CAPN13: variants seen among roughly 807,000 people sequenced by gnomAD.
The protein encoded by CAPN13 is calpain-13.
Under a neutral mutation model 98.4 loss-of-function variants are expected in CAPN13, and 90 were observed. The ratio of observed to expected loss-of-function variants is 0.92; its 90% CI spans 0.77 to 1.09. The LOEUF is 1.09. CAPN13 is among the 50% of genes least tolerant of loss of function. The pLI, the probability that CAPN13 is intolerant of heterozygous loss-of-function variation, is 0.00. For synonymous variants in CAPN13, 330 were observed against 305.5 expected, an observed-to-expected ratio of 1.08 and a Z score of -0.84; for missense variants, 887 against 841.3, an observed-to-expected ratio of 1.05 and a Z score of -0.67.
chr2:30,794,215 A>C (rs1052599521), intron 1 of CAPN13, among the ~76,000 whole-genome samples: 1 of 151,824 alleles, frequency 6.6e-6, no homozygotes, highest in African/African-American at 2.4e-5. Context: ...AATCAGAAAA[A>C]AAACCCACTA....
At chr2:30,736,180 G>A (rs889821342) in intron 18 of CAPN13, among the ~76,000 whole-genome samples, 3 of 147,718 alleles carry the variant, frequency 2.0e-5, no homozygotes, top group African/African-American at 5.0e-5. Context: ...TGGATTGGAC[G>A]GGAATGAGAT....
intron 1 of CAPN13, among the ~76,000 whole-genome samples, chr2:30,788,270 A>T (rs546309257): frequency 6.6e-6 from 1 of 152,310 alleles, no homozygotes; most frequent in South Asian, 2.1e-4. Context: ...GTTTGTTATG[A>T]TATTAAATAA....
In CAPN13 at chr2:30,764,134, C is replaced by G. The variant is rs1211972938; in HGVS notation, c.697G>C (p.Gly233Arg). ...AAAAGGGCTCCCCAGTGACTTACCC[C>G]ACTTGGAGTGGCACAGGTTATCAGG... ...GSLITCATPS[G>R]PTDTAQAMEN... Residue 233 changes from glycine (G) to arginine (R), a missense_variant and splice_region_variant, in exon 6 of 23, where the codon GGG becomes CGG. Gly to Arg is a moderately radical substitution (Grantham distance 125). Transcript: ENST00000295055. 7 of 1,564,888 alleles carry G rather than the reference C, an allele frequency of 4.5e-6. No individual in the cohort carries two copies. Among genetic ancestry groups the G allele is most frequent in the African/African-American group, 1.4e-5 (1 of 73,766 alleles).
chr2:30,791,531 C>T (rs959654820), intron 1 of CAPN13, among the ~76,000 whole-genome samples: 2 of 152,226 alleles, frequency 1.3e-5, no homozygotes, highest in African/African-American at 2.4e-5. Flanking sequence ...ACTGAACAGT[C>T]TTTACAGAAA....
intron 5 of CAPN13, among the ~76,000 whole-genome samples, chr2:30,768,971 C>T (rs2148033840): frequency 6.6e-6 from 1 of 152,132 alleles, no homozygotes; most frequent in African/African-American, 2.4e-5. Context: ...CACAGGCAGC[C>T]TCTGAAGGAC....
intron 2 of CAPN13, 126 bp downstream of exon 2, chr2:30,787,002 G>C (rs2148072941): frequency 1.4e-6 from 1 of 716,698 alleles, no homozygotes; most frequent in East Asian, 2.7e-5. Context: ...CACTGTAGCA[G>C]AGATACCTGG....
chr2:30,805,717 C>T (rs75403759), intron 1 of CAPN13, among the ~76,000 whole-genome samples: 11 of 148,132 alleles, frequency 7.4e-5, no homozygotes, highest in East Asian at 2.0e-4. Flanking sequence ...ATGCTTGATA[C>T]GGAGTGAGCC....
At chr2:30,778,130 T>C (rs983268891) in intron 2 of CAPN13, among the ~76,000 whole-genome samples, 4 of 152,214 alleles carry the variant, frequency 2.6e-5, no homozygotes, top group Non-Finnish European at 5.9e-5. Context: ...CTGTAAGGGA[T>C]ACAAGGTACA....
intron 1 of CAPN13, among the ~76,000 whole-genome samples, chr2:30,787,717 A>G (rs1006772398): frequency 6.6e-6 from 1 of 152,112 alleles, no homozygotes; most frequent in Non-Finnish European, 1.5e-5. Context: ...GAGGCCCATG[A>G]GTTGCATTGG....
intron 22 of CAPN13, among the ~76,000 whole-genome samples, chr2:30,725,182 C>G (rs544744351): frequency 6.6e-6 from 1 of 152,294 alleles, no homozygotes; most frequent in African/African-American, 2.4e-5. Context: ...AATACAGCCT[C>G]AAGTGTCCAA....
rs1379427277 is a variant in CAPN13, at chr2:30,753,205, A to G, written c.942-7T>C. ...GAAATCTTGACACGACATCCTGTTA[A>G]AAACAGATATACATCACTCAGTGAC... is the stretch of plus-strand genomic sequence containing the variant. On this transcript the variant is annotated splice_region_variant and splice_polypyrimidine_tract_variant and intron_variant, in intron 9 of 22. Coordinates refer to ENST00000295055, the MANE Select transcript of CAPN13 (RefSeq NM_144575.3). 1 of 1,613,948 alleles carries G rather than the reference A, an allele frequency of 6.2e-7. No homozygotes were observed. The highest frequency in any genetic ancestry group is 1.7e-5 in the Admixed American group (1 of 60,032).
chr2:30,795,240 A>G (rs1238675381), intron 1 of CAPN13, among the ~76,000 whole-genome samples: 1 of 152,052 alleles, frequency 6.6e-6, no homozygotes, highest in African/African-American at 2.4e-5. Flanking sequence ...TATTGTACGT[A>G]TCTCCTGATA....
chr2:30,801,625 AAAG>A (rs1157271832), intron 1 of CAPN13, among the ~76,000 whole-genome samples: 6 of 138,566 alleles, frequency 4.3e-5, no homozygotes, highest in Admixed American at 6.9e-5. Context: ...AAAAAAAAAA[AAAG>A]AAGAAGAAGA....
At chr2:30,801,237 CA>C (rs1675252045) in intron 1 of CAPN13, among the ~76,000 whole-genome samples, 2 of 152,112 alleles carry the variant, frequency 1.3e-5, no homozygotes, top group Non-Finnish European at 1.5e-5. Context: ...GTTGAGGCCA[CA>C]TTTATATAAT....
At chr2:30,779,929 C>T (rs1205765156) in intron 2 of CAPN13, among the ~76,000 whole-genome samples, 1 of 151,858 alleles carries the variant, frequency 6.6e-6, no homozygotes, top group Admixed American at 6.6e-5. Flanking sequence ...TTACATAGAC[C>T]CAACCTTTGG....
intron 1 of CAPN13, chr2:30,806,132 G>A (rs1675609310): frequency 6.6e-6 from 1 of 152,246 alleles, no homozygotes; most frequent in East Asian, 1.9e-4. Context: ...TCTTTCAAGA[G>A]GGTAACTGAA....
intron 22 of CAPN13, among the ~76,000 whole-genome samples, chr2:30,725,971 T>C (rs1002897509): frequency 6.6e-6 from 1 of 152,092 alleles, no homozygotes; most frequent in Non-Finnish European, 1.5e-5. Flanking sequence ...ATAGCTAAAA[T>C]AGCAGGAAGA....
chr2:30,798,097 T>C (rs1674981142), intron 1 of CAPN13, among the ~76,000 whole-genome samples: 1 of 152,280 alleles, frequency 6.6e-6, no homozygotes, highest in Non-Finnish European at 1.5e-5. Flanking sequence ...GTTCTATATC[T>C]GTGCTGTCTA....
intron 7 of CAPN13, among the ~76,000 whole-genome samples, chr2:30,760,629 C>T (rs368401162): frequency 1.1e-4 from 16 of 152,334 alleles, no homozygotes; most frequent in Middle Eastern, 6.8e-3. Flanking sequence ...TTAAAAAGCG[C>T]GCCACATTTA....
Sources: gnomAD v4.1 joint callset for allele counts (sites outside exome capture counted in the v4.1 genomes callset) on GRCh38, gnomAD v4.1.1 for gene constraint, MANE v1.5 for transcripts, NCBI Gene and HGNC (gene_info 2026-07-23, HGNC 2026-07-21) for gene names.